PTPRD: variants seen among roughly 807,000 people sequenced by gnomAD.
PTPRD encodes receptor-type tyrosine-protein phosphatase delta.
Under a neutral mutation model 214.5 loss-of-function variants are expected in PTPRD, and 34 were observed. The observed-to-expected ratio is 0.16, with a 90% CI of 0.12 to 0.21. The LOEUF (loss-of-function observed/expected upper bound fraction) is 0.21, where lower values mean the gene tolerates loss of function less well. PTPRD is among the 10% of genes least tolerant of loss of function. The pLI, the probability that PTPRD is intolerant of heterozygous loss-of-function variation, is 1.00. For synonymous variants in PTPRD, 1,128 were observed against 845.7 expected (o/e 1.33, Z -5.79); for missense variants, 2,545 against 2,398.7 (o/e 1.06, Z -1.27).
chr9:9,876,744 C>A (rs2066988877), intron 5 of PTPRD, among the ~76,000 whole-genome samples: 1 of 152,094 alleles, frequency 6.6e-6, no homozygotes, highest in African/African-American at 2.4e-5. Context: ...CATGCAACAT[C>A]ATAAAATAAC....
intron 9 of PTPRD, among the ~76,000 whole-genome samples, chr9:9,188,188 T>C (rs910199068): frequency 6.6e-6 from 1 of 152,102 alleles, no homozygotes; most frequent in Non-Finnish European, 1.5e-5. Context: ...CTGCCTTCTT[T>C]CCTTAACATT....
intron 3 of PTPRD, among the ~76,000 whole-genome samples, chr9:10,191,540 C>G (rs536238985): frequency 1.3e-5 from 2 of 152,272 alleles, no homozygotes; most frequent in South Asian, 4.1e-4. Context: ...TCCTGCAACA[C>G]ATTCCAAACT....
chr9:9,843,125 T>A (rs1434227009), intron 5 of PTPRD, among the ~76,000 whole-genome samples: 1 of 152,088 alleles, frequency 6.6e-6, no homozygotes, highest in African/African-American at 2.4e-5. Flanking sequence ...GTTAAGTTGT[T>A]ACAACAGAAA....
chr9:8,346,565 A>T (rs200174274), intron 39 of PTPRD, among the ~76,000 whole-genome samples: 1 of 152,134 alleles, frequency 6.6e-6, no homozygotes, highest in East Asian at 1.9e-4. Flanking sequence ...GGTGTGAATC[A>T]ATCCCTTTGT....
intron 5 of PTPRD, among the ~76,000 whole-genome samples, chr9:9,819,999 T>C (rs1047620672): frequency 2.6e-5 from 4 of 152,188 alleles, no homozygotes; most frequent in East Asian, 3.9e-4. Flanking sequence ...TTTGGATATA[T>C]ACCAAGTAAC....
At chr9:8,453,463 C>T (rs1211297658) in intron 33 of PTPRD, among the ~76,000 whole-genome samples, 3 of 152,138 alleles carry the variant, frequency 2.0e-5, no homozygotes, top group East Asian at 3.9e-4. Context: ...CATGCCTGGC[C>T]GATGAAAGGT....
chr9:10,167,578 A>G (rs890953579), intron 3 of PTPRD, among the ~76,000 whole-genome samples: 5 of 152,294 alleles, frequency 3.3e-5, no homozygotes, highest in Admixed American at 6.5e-5. Context: ...TTATGCATAC[A>G]TATATGGAAT....
intron 3 of PTPRD, among the ~76,000 whole-genome samples, chr9:10,219,622 C>A (rs2154347953): frequency 6.6e-6 from 1 of 151,752 alleles, no homozygotes; most frequent in South Asian, 2.1e-4. Context: ...TAAATTGGTT[C>A]CGGATTTCCT....
At chr9:9,160,113 C>G (rs2154493549) in intron 10 of PTPRD, among the ~76,000 whole-genome samples, 1 of 152,192 alleles carries the variant, frequency 6.6e-6, no homozygotes. Flanking sequence ...AGGAAAAGCT[C>G]TGCAACATTG....
At chr9:9,742,264 G>T (rs1314519482) in intron 6 of PTPRD, among the ~76,000 whole-genome samples, 1 of 152,096 alleles carries the variant, frequency 6.6e-6, no homozygotes, top group Non-Finnish European at 1.5e-5. Flanking sequence ...AGGAAGAGAC[G>T]TGCAAGGAAG....
intron 3 of PTPRD, among the ~76,000 whole-genome samples, chr9:10,279,041 T>C (rs1445095341): frequency 1.3e-5 from 2 of 152,206 alleles, no homozygotes; most frequent in Admixed American, 6.5e-5. Context: ...CCCAAAGTGC[T>C]GGGCTCACAG....
intron 9 of PTPRD, among the ~76,000 whole-genome samples, chr9:9,377,724 G>T (rs112188961): frequency 6.6e-6 from 1 of 152,038 alleles, no homozygotes; most frequent in Non-Finnish European, 1.5e-5. Context: ...AAAAATGTTG[G>T]CACAGATGAA....
At chr9:10,449,393 C>T (rs932331123) in intron 2 of PTPRD, among the ~76,000 whole-genome samples, 4 of 151,886 alleles carry the variant, frequency 2.6e-5, no homozygotes, top group African/African-American at 4.9e-5. Context: ...TCGCTACAAC[C>T]TCCACCTCCC....
chr9:10,362,567 G>A (rs536310839), intron 2 of PTPRD, among the ~76,000 whole-genome samples: 10 of 152,102 alleles, frequency 6.6e-5, no homozygotes, highest in African/African-American at 2.4e-4. Context: ...GAGCACAATC[G>A]AGTGATAACA....
intron 8 of PTPRD, among the ~76,000 whole-genome samples, chr9:9,410,407 A>G (rs1176259419): frequency 6.6e-6 from 1 of 152,210 alleles, no homozygotes; most frequent in Admixed American, 6.5e-5. Flanking sequence ...TGCCATTCAT[A>G]TTTCATCTTT....
chr9:10,298,834 C>T (rs1313835627), intron 3 of PTPRD, among the ~76,000 whole-genome samples: 1 of 151,922 alleles, frequency 6.6e-6, no homozygotes, highest in Non-Finnish European at 1.5e-5. Context: ...CTTTATAAGG[C>T]TTTGTATATT....
At chr9:9,682,331 A>AT (rs1450285735) in intron 7 of PTPRD, among the ~76,000 whole-genome samples, 5 of 151,708 alleles carry the variant, frequency 3.3e-5, no homozygotes, top group Admixed American at 2.6e-4. Context: ...GATACACTAT[A>AT]TTTTTTATTT....
intron 35 of PTPRD, among the ~76,000 whole-genome samples, chr9:8,410,694 A>AT (rs1276634801): frequency 2.6e-5 from 4 of 152,194 alleles, no homozygotes; most frequent in African/African-American, 9.6e-5. Flanking sequence ...TCAGTCACAT[A>AT]TTTTTGTACA....
intron 2 of PTPRD, among the ~76,000 whole-genome samples, chr9:10,594,775 T>G (rs567952442): frequency 8.2e-4 from 124 of 152,106 alleles, no homozygotes; most frequent in African/African-American, 2.9e-3. Flanking sequence ...AGGTGTGTGG[T>G]AGGGGCAGCT....
Sources: allele counts gnomAD v4.1 joint callset (sites outside exome capture counted in the v4.1 genomes callset), GRCh38; gene constraint gnomAD v4.1.1; transcripts MANE v1.5; gene names NCBI Gene and HGNC (gene_info 2026-07-23, HGNC 2026-07-21).